The following HIVEP3 variants were observed in gnomAD, a reference collection of about 807,000 sequenced individuals.
The protein encoded by HIVEP3 is HIVEP zinc finger 3.
Under a neutral mutation model 152.8 loss-of-function variants are expected in HIVEP3, and 49 were observed. The ratio of observed to expected loss-of-function variants is 0.32; its 90% CI spans 0.26 to 0.41. The LOEUF (loss-of-function observed/expected upper bound fraction) is 0.41, where lower values mean the gene tolerates loss of function less well. HIVEP3 is among the 10% of genes least tolerant of loss of function. The pLI, the probability that HIVEP3 is intolerant of heterozygous loss-of-function variation, is 1.00. For missense variants in HIVEP3, 2,790 were observed against 3,103.3 expected (o/e 0.90, Z 2.40); for synonymous variants, 1,269 against 1,289.0 (o/e 0.98, Z 0.33).
At chr1:41,535,259 C>T (rs1407668002) in intron 5 of HIVEP3, among the ~76,000 whole-genome samples, 2 of 152,186 alleles carry the variant, frequency 1.3e-5, no homozygotes, top group African/African-American at 4.8e-5. Flanking sequence ...CATCACTCCC[C>T]GCCCAGCCCT....
chr1:41,626,299 C>T (rs2149146354), intron 3 of HIVEP3, among the ~76,000 whole-genome samples: 1 of 152,352 alleles, frequency 6.6e-6, no homozygotes, highest in East Asian at 1.9e-4. Flanking sequence ...GCCGTGATCA[C>T]CTGGACTCCA....
At chr1:41,964,280 T>C (rs1645186006) in intron 1 of HIVEP3, among the ~76,000 whole-genome samples, 1 of 152,186 alleles carries the variant, frequency 6.6e-6, no homozygotes, top group Admixed American at 6.5e-5. Flanking sequence ...AAAAGCAGGC[T>C]GGAGCAATGG....
At chr1:41,835,425 C>T (rs1169446290) in intron 1 of HIVEP3, among the ~76,000 whole-genome samples, 1 of 152,192 alleles carries the variant, frequency 6.6e-6, no homozygotes, top group African/African-American at 2.4e-5. Flanking sequence ...TGTCTCTTCA[C>T]ATAAGGACAT....
chr1:41,993,854 C>T (rs1456596339), intron 1 of HIVEP3, among the ~76,000 whole-genome samples: 5 of 151,822 alleles, frequency 3.3e-5, no homozygotes, highest in Non-Finnish European at 7.4e-5. Context: ...TTTGTAGGGA[C>T]ATGGATGAAA....
chr1:41,616,794 C>T (rs1473347284), intron 3 of HIVEP3, among the ~76,000 whole-genome samples: 2 of 152,122 alleles, frequency 1.3e-5, no homozygotes, highest in African/African-American at 4.8e-5. Context: ...TATGTACATT[C>T]CTCAGCACTC....
chr1:41,584,842 G>C lies in HIVEP3; in HGVS notation c.-45C>G, dbSNP rs142011649. 797 of 1,437,638 alleles carry C rather than the reference G, an allele frequency of 5.5e-4. No homozygotes were observed. The highest frequency in any genetic ancestry group is 6.9e-4 in the Non-Finnish European group (747 of 1,086,508). The allele number at this position is 1,437,638 out of a possible 1,614,324, so 89.1% of individuals were successfully genotyped here. A position where few individuals can be genotyped will look rare whatever the true frequency, so the allele number is the denominator to read the frequency against. On this transcript the variant is annotated 5_prime_UTR_variant, in exon 4 of 9. Transcript: ENST00000372583. This position sits in a 1 kb window ranked among gnomAD's most constrained non-coding sequence, Gnocchi z 5.2. ...GATGCTATTCAGGGAGAGTCAGGGCGGGCTGCATTTATGAATAATCCCAGT... is the reference window on the plus strand; with the variant it reads ...GATGCTATTCAGGGAGAGTCAGGGCCGGCTGCATTTATGAATAATCCCAGT...
intron 3 of HIVEP3, among the ~76,000 whole-genome samples, chr1:41,624,644 G>A (rs1477645008): frequency 6.6e-6 from 1 of 152,228 alleles, no homozygotes. Flanking sequence ...AATGTATTAT[G>A]TGGATTATCA....
At chr1:41,657,818 G>C (rs1645652334) in intron 2 of HIVEP3, among the ~76,000 whole-genome samples, 1 of 152,204 alleles carries the variant, frequency 6.6e-6, no homozygotes, top group Non-Finnish European at 1.5e-5. Flanking sequence ...CCTACCATGT[G>C]GCCTTTGCAG....
intron 2 of HIVEP3, among the ~76,000 whole-genome samples, chr1:41,647,204 C>T (rs886628819): frequency 2.6e-5 from 4 of 152,172 alleles, no homozygotes; most frequent in African/African-American, 9.7e-5. Context: ...TCATAGACTT[C>T]GAGAATTAGG....
At chr1:41,985,900 G>A (rs1645319839) in intron 1 of HIVEP3, among the ~76,000 whole-genome samples, 1 of 152,036 alleles carries the variant, frequency 6.6e-6, no homozygotes, top group African/African-American at 2.4e-5. Flanking sequence ...TCAGTGCAAG[G>A]CTAAACATTA....
At chr1:41,555,424 G>C (rs1177568861) in intron 5 of HIVEP3, among the ~76,000 whole-genome samples, 1 of 152,214 alleles carries the variant, frequency 6.6e-6, no homozygotes, top group Non-Finnish European at 1.5e-5. Context: ...GGCTAGGAAA[G>C]GGAAATCCCC....
At chr1:41,775,122 AT>A (rs1466407365) in intron 1 of HIVEP3, among the ~76,000 whole-genome samples, 13 of 151,940 alleles carry the variant, frequency 8.6e-5, no homozygotes, top group Admixed American at 1.3e-4. Flanking sequence ...CTTATTTACT[AT>A]TTTTGGTAAA....
chr1:41,695,900 T>C (rs1302272907), intron 2 of HIVEP3, among the ~76,000 whole-genome samples: 1 of 152,184 alleles, frequency 6.6e-6, no homozygotes, highest in Non-Finnish European at 1.5e-5. Context: ...CACTTACCTA[T>C]GGGGCTGATG....
At chr1:41,822,442 T>G (rs1330686368) in intron 1 of HIVEP3, among the ~76,000 whole-genome samples, 1 of 152,226 alleles carries the variant, frequency 6.6e-6, no homozygotes, top group Admixed American at 6.5e-5. Context: ...GGGGAACTGT[T>G]GACTGCCATC....
At chr1:41,608,951 G>A (rs1252807331) in intron 3 of HIVEP3, among the ~76,000 whole-genome samples, 1 of 151,688 alleles carries the variant, frequency 6.6e-6, no homozygotes, top group Non-Finnish European at 1.5e-5. Flanking sequence ...AGGTGTGGTG[G>A]TGCATGCCTG....
intron 1 of HIVEP3, among the ~76,000 whole-genome samples, chr1:41,777,413 G>A (rs1315244433): frequency 1.3e-5 from 2 of 152,152 alleles, no homozygotes; most frequent in African/African-American, 4.8e-5. Context: ...GTGTGCCCAG[G>A]GCTCTCTTGA....
At chr1:41,936,499 C>G (rs1645021097) in intron 1 of HIVEP3, among the ~76,000 whole-genome samples, 1 of 152,152 alleles carries the variant, frequency 6.6e-6, no homozygotes, top group African/African-American at 2.4e-5. Flanking sequence ...GAAGTAGTTC[C>G]ATTATGTTTG....
At chr1:41,836,925 C>T (rs182196828) in intron 1 of HIVEP3, among the ~76,000 whole-genome samples, 1 of 152,334 alleles carries the variant, frequency 6.6e-6, no homozygotes, top group Admixed American at 6.5e-5. Context: ...CTTTTTTCCA[C>T]TGTTGCTGCT....
In HIVEP3 at chr1:41,735,767, C is replaced by T. The variant is rs182301769; in HGVS notation, c.-800-34772G>A. Among the ~76,000 whole-genome samples, 24 of 152,262 alleles carry T rather than the reference C, an allele frequency of 1.6e-4. No homozygotes were observed. The East Asian group carries it at 4.1e-3, about 26-fold the overall frequency. On this transcript the variant is annotated intron_variant, in intron 1 of 8. Transcript: ENST00000372583. The stretch of plus-strand genomic sequence containing the variant: ...TGTCTGCCTGCTCCCTGGCCACCCA[C>T]GTGCTATCTAAATTCACTGCCAGAC...
Sources: allele counts gnomAD v4.1 joint callset (sites outside exome capture counted in the v4.1 genomes callset), GRCh38; gene constraint gnomAD v4.1.1; non-coding constraint Gnocchi (gnomAD v3.1); transcripts MANE v1.5; gene names NCBI Gene and HGNC (gene_info 2026-07-23, HGNC 2026-07-21).